The following CDH13 variants were observed in gnomAD, a reference collection of about 807,000 sequenced individuals.
CDH13 encodes the protein cadherin-13.
In CDH13, 24 loss-of-function variants were observed where a neutral mutation model predicts 63.8. That is an observed-to-expected ratio of 0.38 (90% CI 0.27 to 0.53). The LOEUF is 0.53. CDH13 is among the 20% of genes least tolerant of loss of function. The probability of loss-of-function intolerance (pLI) is 0.85; values close to 1 mark genes in which losing one functional copy is unlikely to be tolerated. For missense variants in CDH13, 1,049 were observed against 903.1 expected (o/e 1.16, Z -2.07); for synonymous variants, 503 against 355.3 (o/e 1.42, Z -4.67).
intron 7 of CDH13, among the ~76,000 whole-genome samples, chr16:83,531,089 C>T (rs922274245): frequency 6.6e-6 from 1 of 152,172 alleles, no homozygotes; most frequent in African/African-American, 2.4e-5. Context: ...TTGTTTCTGA[C>T]ATCTAATAAG....
chr16:82,904,717 T>C (rs1188574631), intron 2 of CDH13, among the ~76,000 whole-genome samples: 4 of 152,114 alleles, frequency 2.6e-5, no homozygotes, highest in Admixed American at 2.0e-4. Context: ...CACAGCATAA[T>C]TTAAGTGAAG....
chr16:82,884,051 A>G, intron 2 of CDH13: 1 of 369,036 alleles, frequency 2.7e-6, no homozygotes, highest in South Asian at 2.2e-5. Context: ...TATTATGACT[A>G]CAACACTTAA....
At position 83,340,252 on chromosome 16, in the gene CDH13, T is replaced by A. The variant is rs145198675; in HGVS notation, c.637-4610T>A. ...GTTTATGGGAAATGTATGTGTATATTTGTATGTGTGTGCTATGTCTGTGGT... is the reference window on the plus strand; with the variant it reads ...GTTTATGGGAAATGTATGTGTATATATGTATGTGTGTGCTATGTCTGTGGT... On this transcript the variant is annotated intron_variant, in intron 5 of 13. Coordinates refer to ENST00000567109, the MANE Select transcript of CDH13 (RefSeq NM_001257.5). 1.0e-3 allele frequency among the ~76,000 whole-genome samples: 157 copies of A among 152,152 alleles called. 1 individual carries two copies. The highest frequency in any genetic ancestry group is 3.6e-3 in the African/African-American group (149 of 41,510).
intron 2 of CDH13, among the ~76,000 whole-genome samples, chr16:82,966,569 G>C (rs905827220): frequency 3.9e-5 from 6 of 152,168 alleles, no homozygotes; most frequent in African/African-American, 7.2e-5. Context: ...TGATTCTAGA[G>C]CCTTTGTTCT....
At chr16:82,767,423 T>C (rs568353266) in intron 1 of CDH13, among the ~76,000 whole-genome samples, 1 of 152,354 alleles carries the variant, frequency 6.6e-6, no homozygotes, top group East Asian at 1.9e-4. Context: ...TAAGGCTTCC[T>C]TGACTCAACA....
chr16:83,050,710 C>T (rs758516042), intron 3 of CDH13, among the ~76,000 whole-genome samples: 3 of 152,196 alleles, frequency 2.0e-5, no homozygotes, highest in Admixed American at 6.5e-5. Context: ...CATCTCCACC[C>T]GTACATTTCA....
chr16:83,617,152 C>T (rs1227345464), intron 8 of CDH13, among the ~76,000 whole-genome samples: 2 of 152,126 alleles, frequency 1.3e-5, no homozygotes, highest in Non-Finnish European at 2.9e-5. Context: ...CTCTTTAAGC[C>T]CATCTCCTTT....
intron 1 of CDH13, among the ~76,000 whole-genome samples, chr16:82,772,765 G>T (rs1295871225): frequency 6.6e-6 from 1 of 152,170 alleles, no homozygotes; most frequent in African/African-American, 2.4e-5. Context: ...GAGAAGTAAA[G>T]TAATATGTCT....
At position 83,689,545 on chromosome 16, in the gene CDH13, G is replaced by A. The variant is rs538073277; in HGVS notation, c.1538+11084G>A. On this transcript the variant is annotated intron_variant, in intron 10 of 13. Transcript: ENST00000567109. The stretch of plus-strand genomic sequence containing the variant: ...GAGTCATGTAACTAATTCAAGAAAT[G>A]CATTTCATCATCTGCTCCCAATCTG... Among the ~76,000 whole-genome samples, 17 of 152,310 alleles carry A rather than the reference G, an allele frequency of 1.1e-4. No individual in the cohort carries two copies. The South Asian group carries it at 1.2e-3, about 11-fold the overall frequency.
intron 2 of CDH13, among the ~76,000 whole-genome samples, chr16:82,915,538 A>G (rs1260327336): frequency 6.6e-6 from 1 of 152,096 alleles, no homozygotes; most frequent in Non-Finnish European, 1.5e-5. Flanking sequence ...CAGGGGGGAA[A>G]TTACAGTCAT....
chr16:83,160,849 G>C (rs1166469626), intron 4 of CDH13, among the ~76,000 whole-genome samples: 1 of 152,192 alleles, frequency 6.6e-6, no homozygotes, highest in African/African-American at 2.4e-5. Flanking sequence ...CATCAGGTGA[G>C]AAAAACAGTT....
At chr16:83,779,925 G>C (rs200529474) in intron 11 of CDH13, 43 bp from the exon 12 acceptor site, 1 of 1,330,866 alleles carries the variant, frequency 7.5e-7, no homozygotes, top group Non-Finnish European at 1.1e-6. Flanking sequence ...AATTGCTCTC[G>C]CATATACCAG....
chr16:83,459,990 A>C (rs1365871937), intron 6 of CDH13, among the ~76,000 whole-genome samples: 4 of 152,252 alleles, frequency 2.6e-5, no homozygotes, highest in Non-Finnish European at 5.9e-5. Context: ...ATCTTTTAAA[A>C]GATACTCACA....
At chr16:83,344,105 G>A (rs1325969287) in intron 5 of CDH13, among the ~76,000 whole-genome samples, 1 of 152,192 alleles carries the variant, frequency 6.6e-6, no homozygotes, top group African/African-American at 2.4e-5. Context: ...TATCCAAGAG[G>A]AAGTATTACT....
intron 6 of CDH13, among the ~76,000 whole-genome samples, chr16:83,480,697 C>T (rs1175992443): frequency 6.6e-6 from 1 of 152,150 alleles, no homozygotes; most frequent in Non-Finnish European, 1.5e-5. Flanking sequence ...TTCTGGTTTG[C>T]CCAGGAGTGT....
intron 2 of CDH13, among the ~76,000 whole-genome samples, chr16:83,015,066 A>G (rs1277895389): frequency 6.6e-6 from 1 of 151,454 alleles, no homozygotes; most frequent in African/African-American, 2.4e-5. Context: ...TTTAATAGCT[A>G]TTAAGAGAAA....
At chr16:82,970,280 A>G (rs1000922864) in intron 2 of CDH13, among the ~76,000 whole-genome samples, 6 of 151,042 alleles carry the variant, frequency 4.0e-5, no homozygotes, top group Admixed American at 6.6e-5. Flanking sequence ...ATGGCTGCAT[A>G]GTATTCCCTG....
chr16:82,751,448 C>G (rs2034410269), intron 1 of CDH13, among the ~76,000 whole-genome samples: 1 of 152,114 alleles, frequency 6.6e-6, no homozygotes, highest in South Asian at 2.1e-4. Context: ...CACCTGATCC[C>G]TGACCTTGCC....
intron 1 of CDH13, among the ~76,000 whole-genome samples, chr16:82,778,272 T>C (rs2035590137): frequency 6.6e-6 from 1 of 152,282 alleles, no homozygotes; most frequent in East Asian, 1.9e-4. Flanking sequence ...ATAAGGACGT[T>C]CCAGTTTGAA....
Sources: allele counts gnomAD v4.1 joint callset (sites outside exome capture counted in the v4.1 genomes callset), GRCh38; gene constraint gnomAD v4.1.1; transcripts MANE v1.5; gene names NCBI Gene and HGNC (gene_info 2026-07-23, HGNC 2026-07-21).